IL4R: variants seen among roughly 807,000 people sequenced by gnomAD.
IL4R encodes the protein interleukin-4 receptor subunit alpha.
Under a neutral mutation model 41.5 loss-of-function variants are expected in IL4R, and 17 were observed. The ratio of observed to expected loss-of-function variants is 0.41; its 90% CI spans 0.28 to 0.61. The LOEUF is 0.61. Ranked by LOEUF, IL4R falls within the 20% of genes least tolerant of loss-of-function variation. IL4R has a pLI of 0.31. For missense variants in IL4R, 974 were observed against 1,043.1 expected, an observed-to-expected ratio of 0.93 and a Z score of 0.91; for synonymous variants, 402 against 422.9, an observed-to-expected ratio of 0.95 and a Z score of 0.61.
At chr16:27,361,725 C>T (rs1227010290) in intron 10 of IL4R, among the ~76,000 whole-genome samples, 15 of 151,384 alleles carry the variant, frequency 9.9e-5, no homozygotes, top group Admixed American at 9.9e-4. Context: ...TAGCCTCAGC[C>T]TTCTAAGTAG....
intron 4 of IL4R, 27 bp from the exon 5 acceptor site, chr16:27,344,842 A>G: frequency 6.2e-7 from 1 of 1,612,802 alleles, no homozygotes; most frequent in Non-Finnish European, 8.5e-7. Context: ...ACAGGTGACC[A>G]GCCTAACCCA....
At position 27,363,990 on chromosome 16, in the gene IL4R, T is replaced by A. The variant is rs1477391559; in HGVS notation, c.*160T>A. On this transcript the variant is annotated 3_prime_UTR_variant, in exon 11 of 11. Coordinates refer to ENST00000395762, the MANE Select transcript of IL4R (RefSeq NM_000418.4). ...GGCCCCACTGACGTTGGCCTAACAC[T>A]GGGCTGCAGAGACTGGACCCCGCCC... is the stretch of plus-strand genomic sequence containing the variant. 1 of 814,898 alleles carries A rather than the reference T, an allele frequency of 1.2e-6. No individual in the cohort carries two copies. Among genetic ancestry groups the A allele is most frequent in the Non-Finnish European group, 1.9e-6 (1 of 519,902 alleles). 50.5% of individuals were successfully genotyped at this position (814,898 alleles called of 1,614,324 possible).
At chr16:27,353,718 T>C (rs542051202) in intron 7 of IL4R, among the ~76,000 whole-genome samples, 1 of 152,220 alleles carries the variant, frequency 6.6e-6, no homozygotes. Flanking sequence ...AGGCTGCTTT[T>C]GACCTCCTGG....
At chr16:27,340,073 A>C in intron 2 of IL4R, 113 bp from the exon 3 acceptor site, 2 of 700,812 alleles carry the variant, frequency 2.9e-6, no homozygotes, top group Non-Finnish European at 4.9e-6. Flanking sequence ...ACAAACAAAC[A>C]AGCAAACAAA....
chr16:27,339,457 C>G (rs990530745), intron 2 of IL4R, among the ~76,000 whole-genome samples: 1 of 152,072 alleles, frequency 6.6e-6, no homozygotes, highest in Non-Finnish European at 1.5e-5. Context: ...TCATTTAATC[C>G]CCACAACACC....
chr16:27,355,874 C>T lies in IL4R; in HGVS notation c.737C>T (p.Ala246Val), dbSNP rs2141194209. 3 of 1,613,530 alleles carry T rather than the reference C, an allele frequency of 1.9e-6. No homozygotes were observed. The highest frequency in any genetic ancestry group is 2.2e-5 in the East Asian group (1 of 44,870). The change falls in exon 8 of 11, where the codon GCC becomes GTC. Residue 246 changes from alanine to valine, a missense_variant. Ala to Val is a moderately conservative substitution (Grantham distance 64). This residue lies in a region of IL4R where 284 missense variants were observed against 313.4 expected (regional missense o/e 0.91). Coordinates refer to ENST00000395762, the MANE Select transcript of IL4R (RefSeq NM_000418.4). Reference sequence around the variant, plus strand: ...AGCGTTTCCTGCATTGTCATCCTGGCCGTCTGCCTGTTGTGCTATGTCAGC... The same window carrying T: ...AGCGTTTCCTGCATTGTCATCCTGGTCGTCTGCCTGTTGTGCTATGTCAGC... ...GVSVSCIVIL[A>V]VCLLCYVSIT...
Position 27,363,406 on chromosome 16 carries a change from A to C in IL4R, c.2054A>C (p.Lys685Thr). Residue 685 changes from lysine (K) to threonine (T), a missense_variant, in exon 11 of 11, where the codon AAG becomes ACG. Physicochemically the swap from Lys to Thr is moderately conservative, Grantham distance 78. Transcript: ENST00000395762. ...PEHLGLEPGE[K>T]VEDMPKPPLP... ...CACCTGGGTCTGGAGCCGGGGGAAA[A>C]GGTAGAGGACATGCCAAAGCCCCCA... The C allele has an allele frequency of 3.1e-6, 5 of 1,614,128 alleles. No individual in the cohort carries two copies. The highest frequency in any genetic ancestry group is 3.4e-6 in the Non-Finnish European group (4 of 1,179,990).
At chr16:27,314,476 C>T (rs1311478467) in intron 1 of IL4R, among the ~76,000 whole-genome samples, 4 of 152,228 alleles carry the variant, frequency 2.6e-5, no homozygotes, top group African/African-American at 7.2e-5. Context: ...GTCTCCGCCT[C>T]CGAATATCAG....
chr16:27,350,765 GA>G (rs1396519490), intron 6 of IL4R, among the ~76,000 whole-genome samples: 2 of 152,156 alleles, frequency 1.3e-5, no homozygotes, highest in Non-Finnish European at 2.9e-5. Flanking sequence ...ACTTAGAATG[GA>G]AACATGTTTC....
At chr16:27,343,817 A>T (rs78144591) in intron 4 of IL4R, among the ~76,000 whole-genome samples, 1,606 of 152,336 alleles carry the variant, frequency 0.011, 19 homozygotes, top group Non-Finnish European at 0.016. Flanking sequence ...TAATGTGTAC[A>T]CATGGGCATT....
chr16:27,361,548 C>A (rs921531501), intron 10 of IL4R, among the ~76,000 whole-genome samples: 1 of 151,822 alleles, frequency 6.6e-6, no homozygotes, highest in Admixed American at 6.6e-5. Context: ...CCTGCTGGAC[C>A]TTTCCATACT....
chr16:27,354,452 A>G (rs1292229933), intron 7 of IL4R, among the ~76,000 whole-genome samples: 1 of 152,226 alleles, frequency 6.6e-6, no homozygotes, highest in Non-Finnish European at 1.5e-5. Flanking sequence ...ACATCTTTCT[A>G]GAAGCTTCCC....
intron 10 of IL4R, among the ~76,000 whole-genome samples, chr16:27,361,582 A>G (rs1184274935): frequency 6.7e-6 from 1 of 148,742 alleles, no homozygotes; most frequent in Admixed American, 6.7e-5. Context: ...GGGGTCCAGG[A>G]CCCTGCTTCA....
chr16:27,330,362 G>T (rs1320948994), intron 2 of IL4R, among the ~76,000 whole-genome samples, 164 bp downstream of exon 2: 1 of 150,132 alleles, frequency 6.7e-6, no homozygotes, highest in Non-Finnish European at 1.5e-5. Context: ...ACTCCAGCCT[G>T]GGCAACAGAG....
At chr16:27,361,799 A>G (rs1490503005) in intron 10 of IL4R, among the ~76,000 whole-genome samples, 9 of 151,746 alleles carry the variant, frequency 5.9e-5, no homozygotes, top group African/African-American at 1.9e-4. Context: ...TCTTGTAGAG[A>G]TGTTTGAGAC....
intron 7 of IL4R, chr16:27,355,083 G>T (rs1333429046): frequency 2.3e-6 from 1 of 437,322 alleles, no homozygotes; most frequent in Admixed American, 2.5e-5. Context: ...AATCGGCGAT[G>T]AACAAAGCAG....
intron 6 of IL4R, among the ~76,000 whole-genome samples, chr16:27,348,936 C>T (rs2085767378): frequency 6.6e-6 from 1 of 152,158 alleles, no homozygotes; most frequent in Admixed American, 6.5e-5. Flanking sequence ...TTGGATTGGT[C>T]AGCATGCCTG....
chr16:27,321,895 G>A (rs762612891), intron 1 of IL4R, among the ~76,000 whole-genome samples: 3 of 151,966 alleles, frequency 2.0e-5, no homozygotes, highest in Admixed American at 6.6e-5. Flanking sequence ...TCTAAATTTG[G>A]TCATCATGGT....
chr16:27,343,002 A>G (rs1013890338), intron 4 of IL4R, among the ~76,000 whole-genome samples: 1 of 152,246 alleles, frequency 6.6e-6, no homozygotes, highest in Non-Finnish European at 1.5e-5. Context: ...CCACTGGACT[A>G]GACCCTTGAT....
Sources: gnomAD v4.1 joint callset for allele counts (sites outside exome capture counted in the v4.1 genomes callset) on GRCh38, gnomAD v4.1.1 for gene constraint, gnomAD v4.1.1 regional missense constraint, MANE v1.5 for transcripts, NCBI Gene and HGNC (gene_info 2026-07-23, HGNC 2026-07-21) for gene names.